NBEA: variants seen among roughly 807,000 people sequenced by gnomAD.
NBEA encodes the protein lysosomal-trafficking regulator 2.
In NBEA, 44 loss-of-function variants were observed where a neutral mutation model predicts 343.4. The observed-to-expected ratio is 0.13, with a 90% CI of 0.10 to 0.16. The LOEUF (loss-of-function observed/expected upper bound fraction) is 0.16. NBEA is among the 10% of genes least tolerant of loss of function. The probability of loss-of-function intolerance (pLI) is 1.00; values close to 1 mark genes in which losing one functional copy is unlikely to be tolerated. For synonymous variants in NBEA, 1,175 were observed against 1,238.7 expected, an observed-to-expected ratio of 0.95 and a Z score of 1.08; for missense variants, 2,555 against 3,631.3, an observed-to-expected ratio of 0.70 and a Z score of 7.62.
intron 38 of NBEA, among the ~76,000 whole-genome samples, chr13:35,362,280 G>T (rs117889361): frequency 0.026 from 3,914 of 151,782 alleles, 66 homozygotes; most frequent in Non-Finnish European, 0.039. Context: ...ACCATAAATT[G>T]GATTAGCTTT....
chr13:35,382,444 A>G (rs2042060476), intron 38 of NBEA, among the ~76,000 whole-genome samples: 1 of 152,182 alleles, frequency 6.6e-6, no homozygotes, highest in African/African-American at 2.4e-5. Context: ...GAAGGAAGGT[A>G]AAAGGAGAAA....
intron 39 of NBEA, among the ~76,000 whole-genome samples, chr13:35,433,153 G>C (rs943629645): frequency 3.9e-5 from 6 of 151,902 alleles, no homozygotes; most frequent in Non-Finnish European, 5.9e-5. Flanking sequence ...AAATATTTTT[G>C]TAGTTTAATA....
chr13:35,020,513 C>T (rs2061801081), intron 1 of NBEA, among the ~76,000 whole-genome samples: 1 of 152,004 alleles, frequency 6.6e-6, no homozygotes, highest in African/African-American at 2.4e-5. Context: ...GATAGTGTTG[C>T]TGAAATCTTC....
chr13:35,266,380 T>G (rs970858085), intron 34 of NBEA, among the ~76,000 whole-genome samples: 3 of 151,898 alleles, frequency 2.0e-5, no homozygotes, highest in Non-Finnish European at 4.4e-5. Flanking sequence ...AAGAGATATC[T>G]ACACTCTCAT....
rs145834624 is a variant in NBEA at position 35,654,560 on chromosome 13, T to C, written c.8036-295T>C. Among the ~76,000 whole-genome samples the C allele has an allele frequency of 7.5e-3, 1,149 of 152,342 alleles. 17 individuals carry two copies. Among genetic ancestry groups the C allele is most frequent in the African/African-American group, 0.026 (1,087 of 41,572 alleles). ...TATAGTGAACATCTAAAGAATTAAA[T>C]GCATTAAAATATTGTATTATGTTTT... On this transcript the variant is annotated intron_variant, in intron 53 of 58. Coordinates refer to ENST00000379939, the MANE Select transcript of NBEA (RefSeq NM_001385012.1).
At chr13:35,667,142 C>G (rs1179623969) in intron 56 of NBEA, among the ~76,000 whole-genome samples, 1 of 152,122 alleles carries the variant, frequency 6.6e-6, no homozygotes, top group Non-Finnish European at 1.5e-5. Context: ...AGGAAAAGAC[C>G]AAGTATCTAC....
intron 51 of NBEA, among the ~76,000 whole-genome samples, chr13:35,647,391 G>A (rs966315316): frequency 6.6e-6 from 1 of 152,078 alleles, no homozygotes; most frequent in African/African-American, 2.4e-5. Flanking sequence ...TGTATAAGGT[G>A]TTATTTTGTG....
chr13:35,118,775 A>G (rs1045243507), intron 16 of NBEA, among the ~76,000 whole-genome samples: 1 of 152,108 alleles, frequency 6.6e-6, no homozygotes, highest in Non-Finnish European at 1.5e-5. Context: ...CATTTTACCA[A>G]AAGAGGATAC....
intron 48 of NBEA, among the ~76,000 whole-genome samples, chr13:35,611,975 A>C (rs184527263): frequency 6.6e-6 from 1 of 152,144 alleles, no homozygotes; most frequent in Non-Finnish European, 1.5e-5. Flanking sequence ...TAACTTCTTA[A>C]GAAACTGCCC....
chr13:35,377,886 G>T (rs769916577), intron 38 of NBEA, among the ~76,000 whole-genome samples: 1 of 152,066 alleles, frequency 6.6e-6, no homozygotes, highest in African/African-American at 2.4e-5. Context: ...CTTACTCCCT[G>T]CCTGAAACAA....
chr13:35,470,446 T>G (rs959654406), intron 40 of NBEA, among the ~76,000 whole-genome samples: 3 of 152,220 alleles, frequency 2.0e-5, no homozygotes, highest in African/African-American at 7.2e-5. Flanking sequence ...TTCACCATTT[T>G]TAGTGTTTTT....
chr13:35,146,728 T>C (rs1436274430), intron 18 of NBEA, among the ~76,000 whole-genome samples: 1 of 152,122 alleles, frequency 6.6e-6, no homozygotes, highest in Non-Finnish European at 1.5e-5. Context: ...GACTCTGAGG[T>C]TGCAGGATGC....
chr13:35,368,124 A>C (rs550503389), intron 38 of NBEA, among the ~76,000 whole-genome samples: 13 of 151,658 alleles, frequency 8.6e-5, no homozygotes, highest in African/African-American at 3.1e-4. Context: ...ATCTGTTGAT[A>C]CCTACTTTAG....
chr13:35,185,956 A>G (rs2071671845), intron 30 of NBEA: 1 of 152,144 alleles, frequency 6.6e-6, no homozygotes, highest in East Asian at 1.9e-4. Context: ...AAGAGCACAA[A>G]CAAAAGTTAA....
At chr13:35,092,779 G>T (rs1186726049) in intron 10 of NBEA, among the ~76,000 whole-genome samples, 1 of 151,966 alleles carries the variant, frequency 6.6e-6, no homozygotes, top group Non-Finnish European at 1.5e-5. Flanking sequence ...CTGAAATACA[G>T]TTTGGCAGTT....
At chr13:35,662,519 G>A (rs185951516) in intron 55 of NBEA, among the ~76,000 whole-genome samples, 59 of 152,274 alleles carry the variant, frequency 3.9e-4, no homozygotes, top group African/African-American at 1.2e-3. Context: ...CTTTCCCGCC[G>A]CTGCAGGTTT....
chr13:35,445,397 T>TTGCAATAA (rs2045949718), intron 39 of NBEA, among the ~76,000 whole-genome samples: 1 of 152,112 alleles, frequency 6.6e-6, no homozygotes, highest in Admixed American at 6.6e-5. Context: ...CATTTTAACT[T>TTGCAATAA]TGCAATAATC....
At chr13:34,955,534 A>G (rs2059464035) in intron 1 of NBEA, among the ~76,000 whole-genome samples, 1 of 152,114 alleles carries the variant, frequency 6.6e-6, no homozygotes, top group Non-Finnish European at 1.5e-5. Flanking sequence ...TCGAAGGACA[A>G]GTAACTGTTC....
chr13:35,302,003 A>G (rs2036585797), intron 35 of NBEA, among the ~76,000 whole-genome samples: 1 of 152,176 alleles, frequency 6.6e-6, no homozygotes, highest in Non-Finnish European at 1.5e-5. Flanking sequence ...GGCTAAAGTC[A>G]TTAATTCTCC....
Sources: gnomAD v4.1 joint callset for allele counts (sites outside exome capture counted in the v4.1 genomes callset) on GRCh38, gnomAD v4.1.1 for gene constraint, MANE v1.5 for transcripts, NCBI Gene and HGNC (gene_info 2026-07-23, HGNC 2026-07-21) for gene names.